Variants in ARHGAP25 observed in about 807,000 individuals in gnomAD.
The protein encoded by ARHGAP25 is Rho GTPase activating protein 25, also known as rho GTPase-activating protein 25.
A neutral mutation model predicts 71.0 loss-of-function variants in ARHGAP25; 34 were observed. That is an observed-to-expected ratio of 0.48 (90% CI 0.36 to 0.64). The LOEUF (loss-of-function observed/expected upper bound fraction) is 0.64. Among genes scored for constraint, ARHGAP25 ranks in the 30% least tolerant of loss-of-function variants. The probability of loss-of-function intolerance (pLI) is 0.00; values close to 1 mark genes in which losing one functional copy is unlikely to be tolerated. For missense variants in ARHGAP25, 706 were observed against 805.1 expected (o/e 0.88, Z 1.49); for synonymous variants, 282 against 296.5 (o/e 0.95, Z 0.50).
chr2:68,777,231 C>T (rs2104379857), intron 2 of ARHGAP25, among the ~76,000 whole-genome samples: 1 of 152,246 alleles, frequency 6.6e-6, no homozygotes, highest in South Asian at 2.1e-4. Flanking sequence ...CACCCCAGAT[C>T]AATGAAAGGG....
chr2:68,818,792 T>C (rs1293675230), intron 8 of ARHGAP25, among the ~76,000 whole-genome samples: 1 of 152,264 alleles, frequency 6.6e-6, no homozygotes, highest in Non-Finnish European at 1.5e-5. Flanking sequence ...CCAGATATCA[T>C]ATTGAGGACC....
At chr2:68,715,292 C>A (rs935914679) in intron 2 of ARHGAP25, among the ~76,000 whole-genome samples, 2 of 152,156 alleles carry the variant, frequency 1.3e-5, no homozygotes, top group African/African-American at 4.8e-5. Context: ...TTGGAGGTGG[C>A]GCCCAGCAAC....
intron 9 of ARHGAP25, among the ~76,000 whole-genome samples, chr2:68,821,906 G>GTTTTTTTTTTT (rs59964574): frequency 3.7e-5 from 3 of 81,642 alleles, no homozygotes; most frequent in African/African-American, 1.0e-4. Context: ...CTTTTTGCTA[G>GTTTTTTTTTTT]TTTTTTTTTT....
upstream of ARHGAP25, among the ~76,000 whole-genome samples, chr2:68,734,393 AAT>A (rs1261328882): frequency 6.6e-6 from 1 of 152,182 alleles, no homozygotes; most frequent in Admixed American, 6.5e-5. Context: ...CATTAAGCCA[AAT>A]ACATCAAAAC....
intron 1 of ARHGAP25, among the ~76,000 whole-genome samples, chr2:68,742,014 C>A (rs1330561306): frequency 1.3e-5 from 2 of 152,218 alleles, no homozygotes; most frequent in Non-Finnish European, 2.9e-5. Flanking sequence ...CCTCACCACC[C>A]CTCCACCTTT....
intron 1 of ARHGAP25, among the ~76,000 whole-genome samples, chr2:68,769,463 C>T (rs1573481006): frequency 1.3e-5 from 2 of 152,224 alleles, no homozygotes; most frequent in South Asian, 4.2e-4. Flanking sequence ...CCCAAGGCTG[C>T]GTATGTAGAA....
intron 2 of ARHGAP25, among the ~76,000 whole-genome samples, chr2:68,781,673 A>C (rs1473535947): frequency 6.6e-6 from 1 of 152,172 alleles, no homozygotes; most frequent in Non-Finnish European, 1.5e-5. Flanking sequence ...AGATTATAGA[A>C]GCTTTCTGAT....
rs183262034 is a variant in ARHGAP25 at position 68,824,698 on chromosome 2, T to C, written c.1734-1289T>C. Among the ~76,000 whole-genome samples the C allele has an allele frequency of 3.8e-3, 580 of 151,690 alleles. 8 individuals are homozygous for C. The East Asian group carries it at 0.049, about 13-fold the overall frequency. ...CGGAGCTTGCAGTGAGCCGAGATCA[T>C]GCCACTGCACTCCAGCCTGGGCAAC... On this transcript the variant is annotated intron_variant, in intron 10 of 10. Transcript: ENST00000409202.
intron 1 of ARHGAP25, among the ~76,000 whole-genome samples, chr2:68,738,788 T>A (rs1004155019): frequency 5.6e-5 from 8 of 143,648 alleles, no homozygotes; most frequent in Non-Finnish European, 1.2e-4. Flanking sequence ...GCCACTGCAC[T>A]CCAGCTTGGG....
chr2:68,711,179 G>A (rs941822814), intron 2 of ARHGAP25, among the ~76,000 whole-genome samples: 2 of 152,234 alleles, frequency 1.3e-5, no homozygotes, highest in African/African-American at 4.8e-5. Flanking sequence ...GCATTCAGCT[G>A]CTTTCTCTTC....
chr2:68,782,956 A>G (rs1389087027), intron 3 of ARHGAP25, among the ~76,000 whole-genome samples: 1 of 152,222 alleles, frequency 6.6e-6, no homozygotes, highest in Non-Finnish European at 1.5e-5. Flanking sequence ...TAGCCCTGCC[A>G]GGGGCTCCAG....
chr2:68,721,135 CAA>C (rs1396793312), intron 2 of ARHGAP25, among the ~76,000 whole-genome samples: 1 of 152,176 alleles, frequency 6.6e-6, no homozygotes, highest in Non-Finnish European at 1.5e-5. Context: ...AAAATGTACA[CAA>C]GTTTTAATTG....
chr2:68,747,236 C>A (rs1463359080), intron 1 of ARHGAP25, among the ~76,000 whole-genome samples: 1 of 151,992 alleles, frequency 6.6e-6, no homozygotes, highest in African/African-American at 2.4e-5. Context: ...TCCCTTACCT[C>A]ATTAGTTACT....
chr2:68,758,027 T>C (rs951630926), intron 1 of ARHGAP25, among the ~76,000 whole-genome samples: 1 of 152,044 alleles, frequency 6.6e-6, no homozygotes, highest in Admixed American at 6.5e-5. Flanking sequence ...TAAGTTCATA[T>C]AAATTTAAAT....
chr2:68,770,204 T>C (rs1677395413), intron 1 of ARHGAP25, among the ~76,000 whole-genome samples: 1 of 152,052 alleles, frequency 6.6e-6, no homozygotes, highest in African/African-American at 2.4e-5. Context: ...GGTGGTAAGT[T>C]TGATGAGGTG....
At chr2:68,810,726 CTTCTCTTTTTT>C (rs1250896535) in intron 5 of ARHGAP25, among the ~76,000 whole-genome samples, 48 of 124,062 alleles carry the variant, frequency 3.9e-4, no homozygotes, top group African/African-American at 7.5e-4. Flanking sequence ...CTTTTCTTTT[CTTCTCTTTTTT>C]TTTTTTTTTT....
At chr2:68,825,731 CGT>C (rs1558671024) in intron 10 of ARHGAP25, among the ~76,000 whole-genome samples, 9 of 152,044 alleles carry the variant, frequency 5.9e-5, no homozygotes, top group Admixed American at 2.6e-4. Context: ...GCCGAGATCG[CGT>C]CACTGCACTC....
chr2:68,748,166 C>G lies in ARHGAP25; in HGVS notation c.61+12906C>G, dbSNP rs544292855. Among the ~76,000 whole-genome samples, 5 of 152,274 alleles carry G rather than the reference C, an allele frequency of 3.3e-5. No homozygotes were observed. In the South Asian group the frequency reaches 8.3e-4, roughly 25 times the overall value. ...TCCCACACTGTGTCCCAGCCACACCCTCCTTCTATTAACAGTTTTCTGAAC... is the reference window on the plus strand; with the variant it reads ...TCCCACACTGTGTCCCAGCCACACCGTCCTTCTATTAACAGTTTTCTGAAC... On this transcript the variant is annotated intron_variant, in intron 1 of 10. Transcript: ENST00000409202.
intron 3 of ARHGAP25, among the ~76,000 whole-genome samples, chr2:68,785,590 AT>A (rs1369278516): frequency 6.6e-6 from 1 of 151,076 alleles, no homozygotes; most frequent in African/African-American, 2.4e-5. Flanking sequence ...ATTAAATAAT[AT>A]CTCCATTGTA....
Sources: allele counts gnomAD v4.1 joint callset (sites outside exome capture counted in the v4.1 genomes callset), GRCh38; gene constraint gnomAD v4.1.1; transcripts MANE v1.5; gene names NCBI Gene and HGNC (gene_info 2026-07-23, HGNC 2026-07-21).